The following CFAP97D2 variants were observed in gnomAD, a reference collection of about 807,000 sequenced individuals.
CFAP97D2 encodes the protein uncharacterized protein CFAP97D2.
intron 1 of CFAP97D2, among the ~76,000 whole-genome samples, chr13:114,195,680 G>A (rs2080883704): frequency 6.6e-6 from 1 of 152,180 alleles, no homozygotes; most frequent in Non-Finnish European, 1.5e-5. Context: ...TTTAGAGATT[G>A]TTGTACAGCT....
chr13:114,209,948 T>C (rs557067477), intron 3 of CFAP97D2, among the ~76,000 whole-genome samples: 87 of 152,342 alleles, frequency 5.7e-4, no homozygotes, highest in African/African-American at 1.9e-3. Flanking sequence ...ATTGAATTGT[T>C]TCCTTTTAAA....
chr13:114,200,530 C>T (rs984725491), intron 3 of CFAP97D2, 87 bp downstream of exon 3: 19 of 396,474 alleles, frequency 4.8e-5, no homozygotes, highest in African/African-American at 1.0e-4. Flanking sequence ...AAGAGCTGCC[C>T]GTGGGTGGGA....
chr13:114,190,404 A>G (rs1439193157), intron 1 of CFAP97D2, among the ~76,000 whole-genome samples: 1 of 111,080 alleles, frequency 9.0e-6, no homozygotes, highest in Admixed American at 8.4e-5. Context: ...GAAAATACCA[A>G]ATAATCAATA....
intron 4 of CFAP97D2, among the ~76,000 whole-genome samples, chr13:114,215,231 T>A (rs1285582166): frequency 6.6e-6 from 1 of 152,246 alleles, no homozygotes; most frequent in Non-Finnish European, 1.5e-5. Context: ...ACCATCTGAT[T>A]TCTTCTTGTA....
At chr13:114,190,097 G>T (rs1020394995) in intron 1 of CFAP97D2, among the ~76,000 whole-genome samples, 4 of 151,976 alleles carry the variant, frequency 2.6e-5, no homozygotes, top group African/African-American at 9.7e-5. Flanking sequence ...AGCTATGATT[G>T]CATCACTGCA....
At chr13:114,215,695 T>C (rs1434133522) in intron 4 of CFAP97D2, 1 of 152,232 alleles carries the variant, frequency 6.6e-6, no homozygotes, top group African/African-American at 2.4e-5. Context: ...ATAGAAATTG[T>C]TCTCCAGAGA....
chr13:114,192,526 G>A (rs1454884167), intron 1 of CFAP97D2, among the ~76,000 whole-genome samples: 2 of 152,104 alleles, frequency 1.3e-5, no homozygotes. Flanking sequence ...AGTTTCATAA[G>A]AAAATTATAC....
rs989918304 is a variant in CFAP97D2, at chr13:114,185,836, C to A, written c.90+6416C>A. Among the ~76,000 whole-genome samples, 1 of 152,200 alleles carries A rather than the reference C, an allele frequency of 6.6e-6. No individual in the cohort carries two copies. Among genetic ancestry groups the A allele is most frequent in the South Asian group, 2.1e-4 (1 of 4,834 alleles). ...GCAGAGGACAGCACAGTGCTGGCTG[C>A]GTGCCTCTTGGCATGAACAGCCTGC... On this transcript the variant is annotated intron_variant, in intron 1 of 4. Transcript: ENST00000646158. The surrounding 1 kb of genome is among the most constrained non-coding windows in gnomAD (Gnocchi z 5.2).
chr13:114,191,727 A>G (rs2080870139), intron 1 of CFAP97D2, among the ~76,000 whole-genome samples: 1 of 152,210 alleles, frequency 6.6e-6, no homozygotes, highest in South Asian at 2.1e-4. Flanking sequence ...CAATCCAGCA[A>G]TTTTGCTCCT....
At chr13:114,192,270 C>G (rs911641508) in intron 1 of CFAP97D2, among the ~76,000 whole-genome samples, 1 of 152,066 alleles carries the variant, frequency 6.6e-6, no homozygotes. Flanking sequence ...TCGATTGTAA[C>G]AAACATACCA....
chr13:114,216,379 G>A (rs1412641238), intron 4 of CFAP97D2, among the ~76,000 whole-genome samples: 1 of 152,100 alleles, frequency 6.6e-6, no homozygotes, highest in African/African-American at 2.4e-5. Flanking sequence ...CCATGTTGGT[G>A]TGCCTCACCC....
At position 114,222,182 on chromosome 13, in the gene CFAP97D2, T is replaced by A. The variant is rs1309778806; in HGVS notation, c.481-316T>A. On this transcript the variant is annotated intron_variant, in intron 4 of 4. Transcript: ENST00000646158. This position sits in a 1 kb window ranked among gnomAD's most constrained non-coding sequence, Gnocchi z 4.4. The stretch of plus-strand genomic sequence containing the variant: ...AAAGAGACAAAAAGTAATCAGTGGT[T>A]GTCGGGGCTGGGGGAAGGGAAATTG... 3.9e-5 allele frequency among the ~76,000 whole-genome samples: 6 copies of A among 152,308 alleles called. No homozygotes were observed. The East Asian group carries it at 1.2e-3, about 29-fold the overall frequency.
intron 3 of CFAP97D2, among the ~76,000 whole-genome samples, chr13:114,206,247 C>T (rs556842155): frequency 6.3e-4 from 96 of 152,132 alleles, no homozygotes; most frequent in South Asian, 1.2e-3. Context: ...GGATTACAGG[C>T]GCGTGCCACC....
At chr13:114,181,482 G>A (rs932382554) in intron 1 of CFAP97D2, among the ~76,000 whole-genome samples, 5 of 152,106 alleles carry the variant, frequency 3.3e-5, no homozygotes, top group Admixed American at 2.6e-4. Flanking sequence ...GGGCCCTGAC[G>A]CTACAGGCCC....
chr13:114,207,230 C>T lies in CFAP97D2; in HGVS notation c.291-4682C>T, dbSNP rs2080944922. The stretch of plus-strand genomic sequence containing the variant: ...TCAGGGCTCGCAAACCAGAAAGTAT[C>T]TAGACAGGTCTCAAACAATCTAGGG... On this transcript the variant is annotated intron_variant, in intron 3 of 4. Transcript: ENST00000646158. This position sits in a 1 kb window ranked among gnomAD's most constrained non-coding sequence, Gnocchi z 4.9. 6.6e-6 allele frequency among the ~76,000 whole-genome samples: 1 copy of T among 152,216 alleles called. No homozygotes were observed. Among genetic ancestry groups the T allele is most frequent in the Non-Finnish European group, 1.5e-5 (1 of 68,036 alleles).
intron 1 of CFAP97D2, among the ~76,000 whole-genome samples, chr13:114,182,484 C>G (rs192751044): frequency 5.6e-4 from 85 of 151,896 alleles, no homozygotes; most frequent in East Asian, 1.4e-3. Flanking sequence ...CAGCACAGAC[C>G]CTTTACCGGT....
At chr13:114,181,310 G>A (rs2138744665) in intron 1 of CFAP97D2, among the ~76,000 whole-genome samples, 1 of 152,334 alleles carries the variant, frequency 6.6e-6, no homozygotes, top group Middle Eastern at 3.4e-3. Context: ...TCCCAGCAGG[G>A]GCAGACACAG....
chr13:114,216,303 T>C (rs1297970035), intron 4 of CFAP97D2, among the ~76,000 whole-genome samples: 1 of 152,180 alleles, frequency 6.6e-6, no homozygotes. Context: ...ATTTATTTTC[T>C]GTTATACTTT....
chr13:114,194,200 G>A (rs1333005453), intron 1 of CFAP97D2, among the ~76,000 whole-genome samples: 2 of 152,142 alleles, frequency 1.3e-5, no homozygotes, highest in East Asian at 3.9e-4. Flanking sequence ...ATGAAGTAAT[G>A]GATCTAGGAT....
Sources: gnomAD v4.1 joint callset for allele counts (sites outside exome capture counted in the v4.1 genomes callset) on GRCh38, gnomAD v4.1.1 for gene constraint, Gnocchi (gnomAD v3.1) non-coding constraint, MANE v1.5 for transcripts, NCBI Gene and HGNC (gene_info 2026-07-23, HGNC 2026-07-21) for gene names.